Variants in PIEZO2 observed in about 807,000 individuals in gnomAD.
PIEZO2 encodes the protein piezo-type mechanosensitive ion channel component 2.
A neutral mutation model predicts 337.3 loss-of-function variants in PIEZO2; 172 were observed. The ratio of observed to expected loss-of-function variants is 0.51; its 90% CI spans 0.45 to 0.58. PIEZO2 has a LOEUF of 0.58. PIEZO2 is among the 20% of genes least tolerant of loss of function. The pLI is 0.00. For synonymous variants in PIEZO2, 1,251 were observed against 1,228.5 expected, an observed-to-expected ratio of 1.02 and a Z score of -0.38; for missense variants, 3,028 against 3,391.3, an observed-to-expected ratio of 0.89 and a Z score of 2.66.
intron 1 of PIEZO2, among the ~76,000 whole-genome samples, chr18:11,134,630 T>C (rs958185499): frequency 2.0e-5 from 3 of 152,174 alleles, no homozygotes; most frequent in African/African-American, 7.2e-5. Context: ...AGGGGTTCTG[T>C]GGTCAGATAA....
chr18:10,764,176 C>T (rs8087370), intron 21 of PIEZO2, among the ~76,000 whole-genome samples: 120,297 of 152,202 alleles, frequency 0.79, 47,667 homozygotes, highest in East Asian at 0.88. Flanking sequence ...GCATGGGAAA[C>T]GCTCATTTAT....
At chr18:10,873,379 G>C (rs1410650916) in intron 4 of PIEZO2, among the ~76,000 whole-genome samples, 1 of 152,130 alleles carries the variant, frequency 6.6e-6, no homozygotes, top group Non-Finnish European at 1.5e-5. Flanking sequence ...ATAGAGAACA[G>C]AATTATACTC....
At chr18:10,809,697 C>T (rs923820024) in intron 7 of PIEZO2, among the ~76,000 whole-genome samples, 1 of 152,108 alleles carries the variant, frequency 6.6e-6, no homozygotes, top group Non-Finnish European at 1.5e-5. Context: ...TACACAGCAT[C>T]CAACAATTAT....
At chr18:10,739,867 A>C (rs539492294) in intron 33 of PIEZO2, 1 of 149,230 alleles carries the variant, frequency 6.7e-6, no homozygotes, top group African/African-American at 2.5e-5. Flanking sequence ...TTTATTAAAA[A>C]CTAGCTTGCC....
At chr18:10,958,842 G>A (rs1236951475) in intron 3 of PIEZO2, among the ~76,000 whole-genome samples, 1 of 152,088 alleles carries the variant, frequency 6.6e-6, no homozygotes, top group African/African-American at 2.4e-5. Flanking sequence ...TGGCCACTTT[G>A]ATATAAATTG....
intron 8 of PIEZO2, among the ~76,000 whole-genome samples, chr18:10,804,514 G>A (rs973665743): frequency 6.6e-6 from 1 of 152,184 alleles, no homozygotes; most frequent in African/African-American, 2.4e-5. Flanking sequence ...GAACAGAAGC[G>A]CTTCGGTGCC....
Position 10,855,522 on chromosome 18 carries a change from A to C in PIEZO2, c.748T>G (p.Phe250Val). 6.5e-7 allele frequency: 1 copy of C among 1,537,048 alleles called. No homozygotes were observed. Among genetic ancestry groups the C allele is most frequent in the Non-Finnish European group, 8.7e-7 (1 of 1,146,904 alleles). Residue 250 changes from phenylalanine (F) to valine (V), a missense_variant, in exon 7 of 56, where the codon TTT becomes GTT. This residue lies in a region of PIEZO2 where 542 missense variants were observed against 605.6 expected (regional missense o/e 0.89). Transcript: ENST00000674853. The surrounding 1 kb of genome is among the most constrained non-coding windows in gnomAD (Gnocchi z 4.9). ...SLTSSVYFFVFLGLCTWWSWC... is the reference protein window; with the variant it reads ...SLTSSVYFFVVLGLCTWWSWC... ...GACCACCAGGTGCACAGACCCAAAA[A>C]TACAAAAAAATACACAGATGATGTC...
At chr18:11,018,890 C>T (rs561552078) in intron 2 of PIEZO2, among the ~76,000 whole-genome samples, 1 of 152,170 alleles carries the variant, frequency 6.6e-6, no homozygotes, top group Non-Finnish European at 1.5e-5. Context: ...TCTCTTAATT[C>T]TATCCCAAAA....
At position 10,993,178 on chromosome 18, in the gene PIEZO2, A is replaced by G. The variant is rs1463851008; in HGVS notation, c.161-13518T>C. 1.3e-5 allele frequency among the ~76,000 whole-genome samples: 2 copies of G among 152,186 alleles called. No individual in the cohort carries two copies. The highest frequency in any genetic ancestry group is 2.9e-5 in the Non-Finnish European group (2 of 68,042). On this transcript the variant is annotated intron_variant, in intron 2 of 55. Transcript: ENST00000674853. This position sits in a 1 kb window ranked among gnomAD's most constrained non-coding sequence, Gnocchi z 5.0. Reference sequence around the variant, plus strand: ...GACCATGTCATCTGCAAACAGAGACACTTTGACTTCCTCTTTTCCTATTTG... The same window carrying G: ...GACCATGTCATCTGCAAACAGAGACGCTTTGACTTCCTCTTTTCCTATTTG...
chr18:10,759,933 A>C lies in PIEZO2; in HGVS notation c.3451-24T>G, dbSNP rs1450565820. 4.4e-5 allele frequency: 67 copies of C among 1,518,042 alleles called. No individual in the cohort carries two copies. The Admixed American group carries it at 1.3e-3, about 30-fold the overall frequency. 94.0% of individuals were successfully genotyped at this position (1,518,042 alleles called of 1,614,324 possible). On this transcript the variant is annotated intron_variant, in intron 24 of 55. Coordinates refer to ENST00000674853, the MANE Select transcript of PIEZO2 (RefSeq NM_001378183.1). The surrounding 1 kb of genome is among the most constrained non-coding windows in gnomAD (Gnocchi z 5.5). ...GTCTGTGTAAAGATGAAAAGAGGCA[A>C]AAAAAAAAAATCAGGCATATGGGAA...
In PIEZO2 at chr18:10,724,959, G is replaced by T; in HGVS notation, c.5029+6448C>A. 1 of 1,585,430 alleles carries T rather than the reference G, an allele frequency of 6.3e-7. No individual in the cohort carries two copies. The highest frequency in any genetic ancestry group is 8.6e-7 in the Non-Finnish European group (1 of 1,159,794). ...GGAACCCAGGTGGGCGCACCCTGCG[G>T]CCTGCAGCCTCCCTGCCTCACATTA... On this transcript the variant is annotated intron_variant, in intron 36 of 55. Transcript: ENST00000674853. This position sits in a 1 kb window ranked among gnomAD's most constrained non-coding sequence, Gnocchi z 5.8.
chr18:10,866,081 A>G (rs1156650672), intron 5 of PIEZO2, among the ~76,000 whole-genome samples: 1 of 152,236 alleles, frequency 6.6e-6, no homozygotes, highest in Non-Finnish European at 1.5e-5. Context: ...GAAGAGGTAC[A>G]TGCTGTTAAA....
chr18:10,961,180 C>CAAAA (rs576531265), intron 3 of PIEZO2, among the ~76,000 whole-genome samples: 1 of 117,524 alleles, frequency 8.5e-6, no homozygotes. Flanking sequence ...GACTCCATCT[C>CAAAA]AAAAAAAAAA....
chr18:10,865,798 T>C (rs1469614812), intron 5 of PIEZO2, among the ~76,000 whole-genome samples: 2 of 151,844 alleles, frequency 1.3e-5, no homozygotes, highest in Non-Finnish European at 2.9e-5. Flanking sequence ...TTCTCTGGAG[T>C]TGGGATGGAT....
intron 55 of PIEZO2, 56 bp from the exon 56 acceptor site, chr18:10,671,835 A>G: frequency 1.4e-6 from 2 of 1,422,960 alleles, no homozygotes; most frequent in Admixed American, 2.5e-5. Flanking sequence ...GTTAATAAAG[A>G]AAAGCATGTC....
chr18:10,720,455 A>G (rs1338069852), intron 36 of PIEZO2, among the ~76,000 whole-genome samples: 7 of 45,982 alleles, frequency 1.5e-4, no homozygotes, highest in Admixed American at 5.7e-4. Context: ...ATATATATAT[A>G]TATATATATA....
At chr18:10,935,364 G>T (rs1212555526) in intron 3 of PIEZO2, among the ~76,000 whole-genome samples, 1 of 152,222 alleles carries the variant, frequency 6.6e-6, no homozygotes, top group East Asian at 1.9e-4. Context: ...AGAGCAGTTA[G>T]GCAGCTGAGA....
At chr18:11,130,008 T>G (rs757628901) in intron 1 of PIEZO2, among the ~76,000 whole-genome samples, 10 of 152,088 alleles carry the variant, frequency 6.6e-5, no homozygotes, top group South Asian at 2.1e-4. Context: ...ACTAGTAGGG[T>G]GAGGGCTACT....
chr18:10,780,404 G>A, intron 17 of PIEZO2, 38 bp from the exon 18 acceptor site: 9 of 702,890 alleles, frequency 1.3e-5, no homozygotes, highest in Non-Finnish European at 2.3e-5. Flanking sequence ...GATGCAATGA[G>A]GAGACAGGTT....
Sources: gnomAD v4.1 joint callset for allele counts (sites outside exome capture counted in the v4.1 genomes callset) on GRCh38, gnomAD v4.1.1 for gene constraint, gnomAD v4.1.1 regional missense constraint, Gnocchi (gnomAD v3.1) non-coding constraint, MANE v1.5 for transcripts, NCBI Gene and HGNC (gene_info 2026-07-23, HGNC 2026-07-21) for gene names.